The following CWH43 variants were observed in gnomAD, a reference collection of about 807,000 sequenced individuals.
CWH43 encodes PGAP2-interacting protein.
A neutral mutation model predicts 85.7 loss-of-function variants in CWH43; 91 were observed. That is an observed-to-expected ratio of 1.06 (90% confidence interval 0.90 to 1.26). CWH43 has a LOEUF of 1.26. Ranked by LOEUF, CWH43 falls within the 50% of genes most tolerant of loss-of-function variation. The probability of loss-of-function intolerance (pLI) is 0.00; values close to 1 mark genes in which losing one functional copy is unlikely to be tolerated. For synonymous variants in CWH43, 323 were observed against 293.6 expected, an observed-to-expected ratio of 1.10 and a Z score of -1.02; for missense variants, 869 against 839.2, an observed-to-expected ratio of 1.04 and a Z score of -0.44.
chr4:49,013,392 TC>T (rs1783432258), intron 8 of CWH43, among the ~76,000 whole-genome samples: 1 of 152,208 alleles, frequency 6.6e-6, no homozygotes, highest in Non-Finnish European at 1.5e-5. Context: ...CCAGGTACAG[TC>T]TGTCATGGCT....
chr4:49,055,706 C>T (rs1304722155), intron 15 of CWH43, among the ~76,000 whole-genome samples: 1 of 151,902 alleles, frequency 6.6e-6, no homozygotes, highest in Non-Finnish European at 1.5e-5. Flanking sequence ...TCTCCTGCCT[C>T]AGCCTCCTGA....
chr4:48,987,553 T>G (rs1782533929), intron 1 of CWH43, among the ~76,000 whole-genome samples: 1 of 152,162 alleles, frequency 6.6e-6, no homozygotes, highest in Non-Finnish European at 1.5e-5. Flanking sequence ...TGTTGTTTTG[T>G]TCTTGCTTAG....
chr4:49,001,164 T>C (rs2109757118), intron 6 of CWH43, among the ~76,000 whole-genome samples: 1 of 152,276 alleles, frequency 6.6e-6, no homozygotes, highest in Admixed American at 6.5e-5. Context: ...GTGCTTTAAA[T>C]GTTGATAGCA....
intron 15 of CWH43, among the ~76,000 whole-genome samples, chr4:49,052,661 G>T (rs749189980): frequency 6.6e-6 from 1 of 152,128 alleles, no homozygotes; most frequent in Non-Finnish European, 1.5e-5. Context: ...ACTGCAGATT[G>T]ATCCAAACCA....
At chr4:49,006,767 C>T (rs1783170354) in intron 7 of CWH43, among the ~76,000 whole-genome samples, 1 of 152,106 alleles carries the variant, frequency 6.6e-6, no homozygotes, top group Non-Finnish European at 1.5e-5. Flanking sequence ...CATCCTGGGG[C>T]AGAATTATCA....
chr4:49,056,360 C>G (rs1253033147), intron 15 of CWH43, among the ~76,000 whole-genome samples: 3 of 152,090 alleles, frequency 2.0e-5, no homozygotes, highest in African/African-American at 7.2e-5. Context: ...CATTATTGAA[C>G]TGTTCAGATT....
In CWH43 at chr4:49,018,649, C is replaced by T. The variant is rs533359899; in HGVS notation, c.1266+1321C>T. ...AATAAGTAATTGAATGTTGTGCTTT[C>T]TATCTGATCTGATAAAAAATCTAGT... On this transcript the variant is annotated intron_variant, in intron 9 of 15. Coordinates refer to ENST00000226432, the MANE Select transcript of CWH43 (RefSeq NM_025087.3). Among the ~76,000 whole-genome samples, 286 of 152,240 alleles carry T rather than the reference C, an allele frequency of 1.9e-3. 2 individuals carry two copies. Among genetic ancestry groups the T allele is most frequent in the African/African-American group, 6.5e-3 (268 of 41,538 alleles).
chr4:49,027,762 A>G (rs1219085121), intron 9 of CWH43, among the ~76,000 whole-genome samples: 2 of 152,182 alleles, frequency 1.3e-5, no homozygotes, highest in Non-Finnish European at 2.9e-5. Context: ...TTATTGTACT[A>G]TCAAATAGTA....
chr4:49,026,963 A>C (rs1039941136), intron 9 of CWH43, among the ~76,000 whole-genome samples: 2 of 152,160 alleles, frequency 1.3e-5, no homozygotes, highest in African/African-American at 4.8e-5. Flanking sequence ...GGAATCTCTA[A>C]ACTGTTTTCC....
intron 15 of CWH43, among the ~76,000 whole-genome samples, chr4:49,057,788 G>A (rs948842109): frequency 2.6e-5 from 4 of 151,916 alleles, no homozygotes; most frequent in Non-Finnish European, 5.9e-5. Context: ...CATATATTTA[G>A]GTGCTCTGAT....
chr4:48,999,704 A>C (rs1174505675), intron 6 of CWH43, among the ~76,000 whole-genome samples: 1 of 152,170 alleles, frequency 6.6e-6, no homozygotes. Flanking sequence ...TCACTCTTCA[A>C]GATTCCTTGC....
chr4:49,023,232 G>T (rs902692076), intron 9 of CWH43, among the ~76,000 whole-genome samples: 3 of 152,072 alleles, frequency 2.0e-5, no homozygotes, highest in Non-Finnish European at 4.4e-5. Flanking sequence ...TTGATAGGTT[G>T]TGTCACTATT....
intron 10 of CWH43, among the ~76,000 whole-genome samples, chr4:49,029,423 A>G (rs1302784551): frequency 6.6e-6 from 1 of 152,218 alleles, no homozygotes; most frequent in African/African-American, 2.4e-5. Context: ...CTGCCCAAGA[A>G]AGCTTGGGTA....
Position 49,038,053 on chromosome 4 carries a change from A to T in CWH43, c.1676A>T (p.Lys559Ile). 1.9e-6 allele frequency: 3 copies of T among 1,602,546 alleles called. No individual in the cohort carries two copies. The highest frequency in any genetic ancestry group is 2.5e-6 in the Non-Finnish European group (3 of 1,176,682). Residue 559 changes from lysine to isoleucine, a missense_variant, in exon 13 of 16, where the codon AAA becomes ATA. Coordinates refer to ENST00000226432, the MANE Select transcript of CWH43 (RefSeq NM_025087.3). Reference protein sequence around the residue: ...FGNHEDDLDRKLQAIAVSKLL... With the variant: ...FGNHEDDLDRILQAIAVSKLL... ...TTTTTTAGAGATGACCTCGACAGGA[A>T]ACTGCAGGCTATTGCTGTTTCAAAA...
At chr4:49,055,343 C>G (rs1358090534) in intron 15 of CWH43, among the ~76,000 whole-genome samples, 1 of 152,102 alleles carries the variant, frequency 6.6e-6, no homozygotes, top group Non-Finnish European at 1.5e-5. Flanking sequence ...CCTTGCATCC[C>G]AAGGAAAAAT....
chr4:49,044,708 G>A, intron 13 of CWH43, 78 bp from the exon 14 acceptor site: 1 of 1,047,528 alleles, frequency 9.5e-7, no homozygotes, highest in Non-Finnish European at 1.5e-6. Context: ...TTATCATGTA[G>A]CTCACACATT....
chr4:49,048,838 T>A (rs28408614), intron 14 of CWH43, among the ~76,000 whole-genome samples: 12 of 152,322 alleles, frequency 7.9e-5, no homozygotes, highest in Non-Finnish European at 1.5e-4. Context: ...AAGGTAATTT[T>A]AAAAATTCCC....
chr4:48,991,609 A>T (rs756826108), intron 3 of CWH43, 35 bp downstream of exon 3: 2 of 1,603,474 alleles, frequency 1.2e-6, no homozygotes, highest in South Asian at 2.3e-5. Context: ...ATAGACAAAC[A>T]AGTATAACCA....
chr4:48,990,033 G>T (rs951157795), intron 2 of CWH43, among the ~76,000 whole-genome samples: 4 of 152,108 alleles, frequency 2.6e-5, no homozygotes, highest in African/African-American at 9.7e-5. Flanking sequence ...GTACTTTCTT[G>T]TCACCTTTGG....
Sources: gnomAD v4.1 joint callset for allele counts (sites outside exome capture counted in the v4.1 genomes callset) on GRCh38, gnomAD v4.1.1 for gene constraint, MANE v1.5 for transcripts, NCBI Gene and HGNC (gene_info 2026-07-23, HGNC 2026-07-21) for gene names.